The following VPS54 variants were observed in gnomAD, a reference collection of about 807,000 sequenced individuals.
VPS54 encodes the protein vacuolar protein sorting-associated protein 54.
In VPS54, 45 loss-of-function variants were observed where a neutral mutation model predicts 121.5. The observed-to-expected ratio is 0.37, with a 90% CI of 0.29 to 0.47. The LOEUF (loss-of-function observed/expected upper bound fraction) is 0.47, where lower values mean the gene tolerates loss of function less well. VPS54 is among the 20% of genes least tolerant of loss of function. VPS54 has a pLI of 0.99. For synonymous variants in VPS54, 371 were observed against 385.8 expected (o/e 0.96, Z 0.45); for missense variants, 1,090 against 1,131.4 (o/e 0.96, Z 0.52).
At chr2:63,935,067 C>G (rs1367729038) in intron 11 of VPS54, among the ~76,000 whole-genome samples, 21 of 152,048 alleles carry the variant, frequency 1.4e-4, no homozygotes, top group Non-Finnish European at 8.8e-5. Flanking sequence ...TACATGGAAC[C>G]ACCACAATCT....
intron 1 of VPS54, among the ~76,000 whole-genome samples, chr2:64,009,628 A>G (rs572247173): frequency 6.6e-6 from 1 of 151,684 alleles, no homozygotes; most frequent in Admixed American, 6.6e-5. Flanking sequence ...CATTTTCATC[A>G]GTGTAATTTA....
chr2:64,007,663 A>G (rs1383920244), intron 1 of VPS54, among the ~76,000 whole-genome samples: 2 of 152,230 alleles, frequency 1.3e-5, no homozygotes, highest in East Asian at 1.9e-4. Flanking sequence ...GAATTAGTAG[A>G]TAACTACAGA....
rs1189482287 is a variant in VPS54, at chr2:63,916,891, G to A, written c.2228+9C>T. On this transcript the variant is annotated intron_variant, in intron 16 of 22. Transcript: ENST00000272322. ...TGACTCAACTACTAAAGAAAAATGT[G>A]TCACTCACCCAACAACTGCATACTG... The A allele has an allele frequency of 6.2e-7, 1 of 1,613,122 alleles. No homozygotes were observed. Among genetic ancestry groups the A allele is most frequent in the Non-Finnish European group, 8.5e-7 (1 of 1,179,328 alleles).
At chr2:63,979,095 G>A (rs1375933600) in intron 3 of VPS54, among the ~76,000 whole-genome samples, 1 of 151,960 alleles carries the variant, frequency 6.6e-6, no homozygotes. Context: ...TGTTATTGGT[G>A]ACTTTTATCT....
rs374535458 is a variant in VPS54, at chr2:64,001,195, CA to C, written c.-20-17177del. On this transcript the variant is annotated intron_variant, in intron 1 of 22. Transcript: ENST00000272322. The stretch of plus-strand genomic sequence containing the variant: ...ATAGGGAGTACTGCCAGGCTACTGT[CA>C]ATGTTCACAAGATACAAGGGCTCTT... 2.6e-3 allele frequency among the ~76,000 whole-genome samples: 403 copies of C among 152,262 alleles called. 4 individuals carry two copies. The highest frequency in any genetic ancestry group is 9.2e-3 in the African/African-American group (382 of 41,548).
intron 7 of VPS54, among the ~76,000 whole-genome samples, chr2:63,961,547 A>C (rs1328104671): frequency 1.3e-5 from 2 of 152,236 alleles, no homozygotes; most frequent in Non-Finnish European, 2.9e-5. Flanking sequence ...GATTTCATAT[A>C]AAATATTTAA....
At chr2:63,973,619 T>C (rs1409081003) in intron 3 of VPS54, among the ~76,000 whole-genome samples, 1 of 152,050 alleles carries the variant, frequency 6.6e-6, no homozygotes, top group Non-Finnish European at 1.5e-5. Context: ...TTGCTGGCTG[T>C]AACTTCAAAT....
chr2:63,926,107 G>T (rs1004388350), intron 12 of VPS54, among the ~76,000 whole-genome samples: 1 of 152,186 alleles, frequency 6.6e-6, no homozygotes, highest in Admixed American at 6.5e-5. Context: ...AGTAAGCAAG[G>T]TATCAGCCCT....
intron 12 of VPS54, among the ~76,000 whole-genome samples, chr2:63,928,162 A>C (rs1674002751): frequency 6.6e-6 from 1 of 152,202 alleles, no homozygotes; most frequent in African/African-American, 2.4e-5. Flanking sequence ...AATACAGAGA[A>C]CACCACAAAG....
rs555831825 is a variant in VPS54, at chr2:63,998,149, C to CA, written c.-20-14131dup. Among the ~76,000 whole-genome samples the CA allele has an allele frequency of 5.9e-4, 90 of 152,228 alleles. 1 individual carries two copies. The highest frequency in any genetic ancestry group is 2.0e-3 in the African/African-American group (82 of 41,538). Reference sequence around the variant, plus strand: ...CAATAGTTAGGTGCATATATATTTACAATTGTTATATCCTATGCTGAATTG... The same window carrying CA: ...CAATAGTTAGGTGCATATATATTTACAAATTGTTATATCCTATGCTGAATTG... On this transcript the variant is annotated intron_variant, in intron 1 of 22. Coordinates refer to ENST00000272322, the MANE Select transcript of VPS54 (RefSeq NM_016516.3).
chr2:63,949,147 G>C lies in VPS54; in HGVS notation c.1027C>G (p.Leu343Val). Residue 343 changes from leucine (L) to valine (V), a missense_variant, in exon 8 of 23, where the codon CTT (leucine) becomes GTT (valine). Leu to Val is a conservative substitution (Grantham distance 32). Coordinates refer to ENST00000272322, the MANE Select transcript of VPS54 (RefSeq NM_016516.3). ...TCTATCAGTTTTTCTAATTCACAAAGCTGTGATCCCAAATGCCTAAAAAGG... is the reference window on the plus strand; with the variant it reads ...TCTATCAGTTTTTCTAATTCACAAACCTGTGATCCCAAATGCCTAAAAAGG... ...IHSFRHLGSQ[L>V]CELEKLIDKM... is the part of the protein sequence containing the mutation. 6.2e-7 allele frequency: 1 copy of C among 1,608,604 alleles called. No homozygotes were observed. Among genetic ancestry groups the C allele is most frequent in the South Asian group, 1.1e-5 (1 of 89,990 alleles).
chr2:63,958,712 T>C (rs1467283801), intron 7 of VPS54, among the ~76,000 whole-genome samples: 1 of 152,142 alleles, frequency 6.6e-6, no homozygotes, highest in East Asian at 1.9e-4. Flanking sequence ...CAAGACTGCA[T>C]ATATATATTA....
At chr2:63,932,328 T>TA (rs1674249543) in intron 12 of VPS54, among the ~76,000 whole-genome samples, 1 of 151,958 alleles carries the variant, frequency 6.6e-6, no homozygotes, top group African/African-American at 2.4e-5. Context: ...TATGCAGCCA[T>TA]AAAAAAGGAT....
intron 1 of VPS54, among the ~76,000 whole-genome samples, chr2:64,008,051 T>G (rs1319963945): frequency 2.0e-5 from 3 of 151,908 alleles, no homozygotes; most frequent in African/African-American, 7.3e-5. Context: ...CAAGAATCTT[T>G]TAGGCTATCG....
intron 1 of VPS54, among the ~76,000 whole-genome samples, chr2:63,992,950 C>T (rs916111165): frequency 6.6e-6 from 1 of 152,236 alleles, no homozygotes; most frequent in Non-Finnish European, 1.5e-5. Context: ...GCCCTACAAT[C>T]TGCCAGCTTT....
chr2:64,005,294 G>A (rs1370957839), intron 1 of VPS54, among the ~76,000 whole-genome samples: 7 of 150,032 alleles, frequency 4.7e-5, no homozygotes, highest in East Asian at 1.9e-4. Flanking sequence ...TAGTAGAGAC[G>A]GGGTTTCACC....
chr2:63,991,806 C>T (rs561982682), intron 1 of VPS54, among the ~76,000 whole-genome samples: 4 of 152,190 alleles, frequency 2.6e-5, no homozygotes, highest in Non-Finnish European at 4.4e-5. Flanking sequence ...GCAGTCCCAA[C>T]GCAGCCCCCA....
chr2:63,974,939 A>C (rs1676455295), intron 3 of VPS54: 1 of 1,513,080 alleles, frequency 6.6e-7, no homozygotes, highest in Admixed American at 2.1e-5. Flanking sequence ...ATTAGTTAGG[A>C]CTTCCAAGAC....
rs79930462 is a variant in VPS54, at chr2:64,009,989, C to T, written c.-21+8949G>A. On this transcript the variant is annotated intron_variant, in intron 1 of 22. Transcript: ENST00000272322. ...CCCAAGAAAATGGGACTACAAACGC[C>T]TGTCACCTTGCCTGCCTAATTTTCG... 1.1e-4 allele frequency among the ~76,000 whole-genome samples: 17 copies of T among 152,100 alleles called. No homozygotes were observed. The East Asian group carries it at 2.7e-3, about 24-fold the overall frequency.
Sources: allele counts gnomAD v4.1 joint callset (sites outside exome capture counted in the v4.1 genomes callset), GRCh38; gene constraint gnomAD v4.1.1; transcripts MANE v1.5; gene names NCBI Gene and HGNC (gene_info 2026-07-23, HGNC 2026-07-21).